CACNA2D3: variants seen among roughly 807,000 people sequenced by gnomAD.
The protein encoded by CACNA2D3 is calcium voltage-gated channel auxiliary subunit alpha2delta 3, also known as voltage-dependent calcium channel subunit alpha-2/delta-3.
A neutral mutation model predicts 160.6 loss-of-function variants in CACNA2D3; 60 were observed. That is an observed-to-expected ratio of 0.37 (90% CI 0.30 to 0.46). The LOEUF is 0.46. Among genes scored for constraint, CACNA2D3 ranks in the 20% least tolerant of loss-of-function variants. The pLI, the probability that CACNA2D3 is intolerant of heterozygous loss-of-function variation, is 1.00. For missense variants in CACNA2D3, 1,205 were observed against 1,365.0 expected, an observed-to-expected ratio of 0.88 and a Z score of 1.85; for synonymous variants, 558 against 492.9, an observed-to-expected ratio of 1.13 and a Z score of -1.75.
intron 27 of CACNA2D3, among the ~76,000 whole-genome samples, chr3:54,950,637 G>A (rs1158764945): frequency 6.6e-6 from 1 of 152,146 alleles, no homozygotes; most frequent in East Asian, 1.9e-4. Context: ...CCAGGCTGTG[G>A]CAGGGCAGCC....
chr3:54,445,858 G>A (rs147229330), intron 4 of CACNA2D3, among the ~76,000 whole-genome samples: 8 of 152,300 alleles, frequency 5.3e-5, no homozygotes, highest in African/African-American at 1.2e-4. Flanking sequence ...GAGGGTAGAT[G>A]TTTATAAGAC....
At chr3:54,259,021 T>C (rs1317232706) in intron 2 of CACNA2D3, among the ~76,000 whole-genome samples, 2 of 152,222 alleles carry the variant, frequency 1.3e-5, no homozygotes, top group African/African-American at 2.4e-5. Context: ...TCTGGTTTCT[T>C]TGGGGGAAAC....
chr3:54,733,507 A>G (rs1482366715), intron 11 of CACNA2D3, among the ~76,000 whole-genome samples: 1 of 152,168 alleles, frequency 6.6e-6, no homozygotes, highest in East Asian at 1.9e-4. Context: ...TTTCTTTGCA[A>G]TTTGAAGCAG....
rs540558450 is a variant in CACNA2D3, at chr3:54,422,807, C to G, written c.381+36033C>G. 8.5e-5 allele frequency among the ~76,000 whole-genome samples: 13 copies of G among 152,310 alleles called. 1 individual carries two copies. The highest frequency in any genetic ancestry group is 6.8e-3 in the Middle Eastern group (2 of 294). On this transcript the variant is annotated intron_variant, in intron 4 of 37. Transcript: ENST00000474759. ...CAGACCCTACGAACCAGCAACTCCA[C>G]GCCTTGCAATCTGCCTACAGAAACA...
At chr3:55,062,681 T>C (rs1471745703) in intron 35 of CACNA2D3, among the ~76,000 whole-genome samples, 1 of 152,226 alleles carries the variant, frequency 6.6e-6, no homozygotes, top group Non-Finnish European at 1.5e-5. Flanking sequence ...TTACGGCTTT[T>C]GATTTGAGCT....
At chr3:54,313,610 A>C (rs1299361066) in intron 2 of CACNA2D3, among the ~76,000 whole-genome samples, 2 of 151,990 alleles carry the variant, frequency 1.3e-5, no homozygotes, top group Non-Finnish European at 2.9e-5. Flanking sequence ...CACCAAAGTC[A>C]TCCAACCGTG....
At chr3:54,950,013 G>A (rs1034057925) in intron 27 of CACNA2D3, among the ~76,000 whole-genome samples, 1 of 152,136 alleles carries the variant, frequency 6.6e-6, no homozygotes, top group Admixed American at 6.5e-5. Flanking sequence ...AAAAAGATTC[G>A]TCTTGAAGTC....
chr3:54,664,208 G>A (rs1700023972), intron 11 of CACNA2D3, among the ~76,000 whole-genome samples: 1 of 152,198 alleles, frequency 6.6e-6, no homozygotes, highest in South Asian at 2.1e-4. Context: ...CCAGTAAAGG[G>A]ACCAGTGAGC....
At chr3:54,576,947 G>A (rs1435667490) in intron 8 of CACNA2D3, among the ~76,000 whole-genome samples, 2 of 152,086 alleles carry the variant, frequency 1.3e-5, no homozygotes, top group Non-Finnish European at 2.9e-5. Flanking sequence ...TGAGTCAGAA[G>A]GACTGCTTGA....
At chr3:54,409,717 C>CT (rs1699634311) in intron 4 of CACNA2D3, among the ~76,000 whole-genome samples, 1 of 152,172 alleles carries the variant, frequency 6.6e-6, no homozygotes, top group Non-Finnish European at 1.5e-5. Context: ...TTTTAGTGGT[C>CT]TAGATAGATC....
chr3:54,681,810 C>T (rs2106915567), intron 11 of CACNA2D3, among the ~76,000 whole-genome samples: 1 of 152,186 alleles, frequency 6.6e-6, no homozygotes, highest in Non-Finnish European at 1.5e-5. Context: ...TCCCAAGGAG[C>T]TGAGATTGCA....
intron 12 of CACNA2D3, among the ~76,000 whole-genome samples, chr3:54,758,825 C>T (rs989851271): frequency 6.6e-6 from 1 of 152,108 alleles, no homozygotes; most frequent in African/African-American, 2.4e-5. Flanking sequence ...GACTCAACAA[C>T]TCAAAGGAAT....
intron 11 of CACNA2D3, among the ~76,000 whole-genome samples, chr3:54,681,382 CAAAAAAA>C (rs565556596): frequency 6.4e-5 from 4 of 62,096 alleles, no homozygotes; most frequent in Non-Finnish European, 8.3e-5. Flanking sequence ...ACTAAAAATA[CAAAAAAA>C]AAAAAAAAAA....
intron 12 of CACNA2D3, among the ~76,000 whole-genome samples, chr3:54,755,040 T>C (rs906169750): frequency 6.6e-6 from 1 of 152,232 alleles, no homozygotes; most frequent in Non-Finnish European, 1.5e-5. Context: ...CCTTCCGTAC[T>C]ATGGCATGCA....
chr3:54,604,192 A>G (rs1307515580), intron 9 of CACNA2D3, among the ~76,000 whole-genome samples: 1 of 152,176 alleles, frequency 6.6e-6, no homozygotes, highest in Non-Finnish European at 1.5e-5. Context: ...TGATTTGCCC[A>G]TTGATTCAAC....
intron 13 of CACNA2D3, among the ~76,000 whole-genome samples, chr3:54,804,352 T>C (rs1320514867): frequency 2.0e-5 from 3 of 151,754 alleles, no homozygotes; most frequent in Non-Finnish European, 4.4e-5. Flanking sequence ...AATAAAAGGA[T>C]GGAGGAAGAT....
intron 3 of CACNA2D3, among the ~76,000 whole-genome samples, chr3:54,355,556 A>G (rs1698634515): frequency 6.6e-6 from 1 of 151,192 alleles, no homozygotes; most frequent in African/African-American, 2.4e-5. Flanking sequence ...ATGGGGGAGC[A>G]TGTGTTGGCC....
Position 54,638,172 on chromosome 3 carries a change from T to C in CACNA2D3, c.1054-3956T>C, listed in dbSNP as rs527500476. The stretch of plus-strand genomic sequence containing the variant: ...AGTTTTATTTAATGTCGGGAGCAGA[T>C]TGGGTAATAAAATGTATATTGAGAA... On this transcript the variant is annotated intron_variant, in intron 10 of 37. Coordinates refer to ENST00000474759, the MANE Select transcript of CACNA2D3 (RefSeq NM_018398.3). The C allele has an allele frequency of 2.0e-5, 3 of 151,998 alleles. No homozygotes were observed. The East Asian group carries it at 5.8e-4, about 29-fold the overall frequency. 9.4% of individuals were successfully genotyped at this position (151,998 alleles called of 1,614,324 possible).
intron 8 of CACNA2D3, among the ~76,000 whole-genome samples, chr3:54,580,489 C>T (rs951667721): frequency 1.3e-5 from 2 of 152,114 alleles, no homozygotes; most frequent in Admixed American, 6.5e-5. Flanking sequence ...CACAAACTCC[C>T]GAGGCCCTCT....
Sources: gnomAD v4.1 joint callset for allele counts (sites outside exome capture counted in the v4.1 genomes callset) on GRCh38, gnomAD v4.1.1 for gene constraint, MANE v1.5 for transcripts, NCBI Gene and HGNC (gene_info 2026-07-23, HGNC 2026-07-21) for gene names.